The following NFXL1 variants were observed in gnomAD, a reference collection of about 807,000 sequenced individuals.
The protein encoded by NFXL1 is nuclear transcription factor, X-box binding like 1.
Under a neutral mutation model 123.3 loss-of-function variants are expected in NFXL1, and 66 were observed. The ratio of observed to expected loss-of-function variants is 0.54; its 90% CI spans 0.44 to 0.66. NFXL1 has a LOEUF of 0.66. NFXL1 is among the 30% of genes least tolerant of loss of function. The pLI, the probability that NFXL1 is intolerant of heterozygous loss-of-function variation, is 0.00. For synonymous variants in NFXL1, 346 were observed against 360.8 expected, an observed-to-expected ratio of 0.96 and a Z score of 0.46; for missense variants, 944 against 1,125.6, an observed-to-expected ratio of 0.84 and a Z score of 2.31.
Position 47,885,642 on chromosome 4 carries a change from A to G in NFXL1, c.1680T>C (p.Cys560=), listed in dbSNP as rs1431183935. Residue 560 remains cysteine (C), a synonymous_variant, in exon 14 of 23, where the codon TGT becomes TGC. Coordinates refer to ENST00000507489, the MANE Select transcript of NFXL1 (RefSeq NM_001278624.2). ...GATGTTTTTCTTGACTTGTATGATG[A>G]CAAGTTGGTGGTCGACTAAATCATA... ...CKEQCSRPPT[C]HHTSQEKHRC... 1 of 1,613,092 alleles carries G rather than the reference A, an allele frequency of 6.2e-7. No individual in the cohort carries two copies. Among genetic ancestry groups the G allele is most frequent in the Admixed American group, 1.7e-5 (1 of 59,888 alleles).
At chr4:47,899,285 T>G in intron 6 of NFXL1, 85 bp downstream of exon 6, 1 of 1,369,382 alleles carries the variant, frequency 7.3e-7, no homozygotes. Flanking sequence ...AAACTGTGAA[T>G]TCAACTTTTA....
chr4:47,857,469 T>C lies in NFXL1; in HGVS notation c.2317-2306A>G, dbSNP rs1734478613. On this transcript the variant is annotated intron_variant, in intron 19 of 22. Coordinates refer to ENST00000507489, the MANE Select transcript of NFXL1 (RefSeq NM_001278624.2). ...ATCAGTATTCTGTTGCGCTGGGGGT[T>C]GATGAAAAGTTAAAAATCACTGGTC... is the stretch of plus-strand genomic sequence containing the variant. Among the ~76,000 whole-genome samples the C allele has an allele frequency of 2.0e-5, 3 of 152,196 alleles. No homozygotes were observed. In the South Asian group the frequency reaches 6.2e-4, roughly 32 times the overall value.
chr4:47,896,419 A>T, intron 10 of NFXL1, 104 bp downstream of exon 10: 13 of 831,746 alleles, frequency 1.6e-5, no homozygotes, highest in Non-Finnish European at 2.3e-5. Flanking sequence ...ATCATGACAC[A>T]GATGTATATG....
Position 47,875,200 on chromosome 4 carries a change from C to T in NFXL1, c.2173G>A (p.Glu725Lys). The change falls in exon 18 of 23, where the codon GAA becomes AAA. Residue 725 changes from glutamate (E) to lysine (K), a missense_variant. Glu to Lys is a moderately conservative substitution (Grantham distance 56). This residue lies in a region of NFXL1 where 301 missense variants were observed against 348.0 expected (regional missense o/e 0.86). Transcript: ENST00000507489. ...AGCATCTGAACACAAGGTGGACATT[C>T]TCCAGGGTGACATCGCAAAATACAT... is the stretch of plus-strand genomic sequence containing the variant. ...HPCILRCHPGECPPCVQMLRI... is the reference protein window; with the variant it reads ...HPCILRCHPGKCPPCVQMLRI... 1 of 1,613,010 alleles carries T rather than the reference C, an allele frequency of 6.2e-7. No individual in the cohort carries two copies. Among genetic ancestry groups the T allele is most frequent in the Non-Finnish European group, 8.5e-7 (1 of 1,179,106 alleles).
intron 15 of NFXL1, among the ~76,000 whole-genome samples, chr4:47,882,629 T>C (rs1450661529): frequency 6.6e-6 from 1 of 152,236 alleles, no homozygotes; most frequent in Non-Finnish European, 1.5e-5. Context: ...GTTTCTACGG[T>C]ACAAATCTTA....
At chr4:47,894,869 A>AT (rs143225917) in intron 10 of NFXL1, among the ~76,000 whole-genome samples, 176 of 152,286 alleles carry the variant, frequency 1.2e-3, no homozygotes, top group Non-Finnish European at 1.6e-3. Flanking sequence ...AAGGTTTTCA[A>AT]TTTACATTGC....
intron 2 of NFXL1, among the ~76,000 whole-genome samples, chr4:47,913,549 G>A (rs188096025): frequency 9.8e-5 from 15 of 152,336 alleles, no homozygotes; most frequent in Non-Finnish European, 2.1e-4. Flanking sequence ...CGAGCTGACT[G>A]TTGCCATGCA....
In NFXL1 at chr4:47,899,435, C is replaced by T; in HGVS notation, c.761G>A (p.Gly254Asp). 1 of 1,613,802 alleles carries T rather than the reference C, an allele frequency of 6.2e-7. No homozygotes were observed. Among genetic ancestry groups the T allele is most frequent in the Non-Finnish European group, 8.5e-7 (1 of 1,179,768 alleles). Reference sequence around the variant, plus strand: ...TTTAAATTCACGCTCACATACTTGGCCACATGAATGAGGCACAAGCCACGG... The same window carrying T: ...TTTAAATTCACGCTCACATACTTGGTCACATGAATGAGGCACAAGCCACGG... ...LDPWLVPHSC[G>D]QVCEREFKPP... Residue 254 changes from glycine to aspartate, a missense_variant, in exon 6 of 23, where the codon GGC becomes GAC. Physicochemically the swap from Gly to Asp is moderately conservative, Grantham distance 94. This residue lies in a region of NFXL1 where 296 missense variants were observed against 395.1 expected (regional missense o/e 0.75). Coordinates refer to ENST00000507489, the MANE Select transcript of NFXL1 (RefSeq NM_001278624.2).
At chr4:47,913,255 C>T (rs1430104644) in intron 2 of NFXL1, among the ~76,000 whole-genome samples, 3 of 152,122 alleles carry the variant, frequency 2.0e-5, no homozygotes, top group Non-Finnish European at 2.9e-5. Flanking sequence ...GCCCCATGCA[C>T]AATTGTGTGT....
intron 11 of NFXL1, 133 bp downstream of exon 11, chr4:47,894,047 T>C (rs1403125170): frequency 4.0e-6 from 2 of 499,260 alleles, no homozygotes; most frequent in Non-Finnish European, 6.5e-6. Flanking sequence ...ATCTAGAATA[T>C]TTATTAATAT....
chr4:47,896,740 A>G, intron 9 of NFXL1, 93 bp from the exon 10 acceptor site: 1 of 771,658 alleles, frequency 1.3e-6, no homozygotes, highest in Non-Finnish European at 2.1e-6. Context: ...AAGGAATGCT[A>G]GCACTTTCAG....
At chr4:47,891,900 G>A (rs1264423855) in intron 11 of NFXL1, among the ~76,000 whole-genome samples, 1 of 150,974 alleles carries the variant, frequency 6.6e-6, no homozygotes, top group Non-Finnish European at 1.5e-5. Flanking sequence ...TCACACCACT[G>A]CACTCCAGCC....
At chr4:47,855,203 C>G in intron 19 of NFXL1, 40 bp from the exon 20 acceptor site, 1 of 1,153,976 alleles carries the variant, frequency 8.7e-7, no homozygotes, top group Non-Finnish European at 1.3e-6. Context: ...ATACTTACAT[C>G]TTGATCATAC....
chr4:47,882,976 G>C (rs1560593558), intron 15 of NFXL1, among the ~76,000 whole-genome samples: 1 of 152,136 alleles, frequency 6.6e-6, no homozygotes, highest in African/African-American at 2.4e-5. Context: ...GCAGGAGCAG[G>C]CATCCTAGTC....
At chr4:47,855,218 G>T in intron 19 of NFXL1, 55 bp from the exon 20 acceptor site, 1 of 995,788 alleles carries the variant, frequency 1.0e-6, no homozygotes, top group Non-Finnish European at 1.5e-6. Context: ...TCATACTCTA[G>T]TTTCCCCCAT....
At chr4:47,880,807 T>TAAAAAAAAAAAAAAAAAAAAAAAAA (rs57880960) in intron 15 of NFXL1, among the ~76,000 whole-genome samples, 1 of 78,832 alleles carries the variant, frequency 1.3e-5, no homozygotes, top group East Asian at 4.0e-4. Flanking sequence ...AATTAATGAG[T>TAAAAAAAAAAAAAAAAAAAAAAAAA]AAAAAAAAAA....
intron 10 of NFXL1, among the ~76,000 whole-genome samples, chr4:47,895,494 T>TG (rs1737032361): frequency 6.6e-6 from 1 of 152,232 alleles, no homozygotes; most frequent in Non-Finnish European, 1.5e-5. Context: ...CATCAACACT[T>TG]GCTGTTTCAC....
At chr4:47,913,464 C>T (rs961911760) in intron 2 of NFXL1, among the ~76,000 whole-genome samples, 1 of 152,214 alleles carries the variant, frequency 6.6e-6, no homozygotes, top group African/African-American at 2.4e-5. Context: ...ACAAATGACA[C>T]CTGGCTCCAG....
chr4:47,882,770 T>C (rs545879119), intron 15 of NFXL1, among the ~76,000 whole-genome samples: 3 of 152,354 alleles, frequency 2.0e-5, no homozygotes. Context: ...ATAGTGATGT[T>C]TTCTACAACA....
Sources: gnomAD v4.1 joint callset for allele counts (sites outside exome capture counted in the v4.1 genomes callset) on GRCh38, gnomAD v4.1.1 for gene constraint, gnomAD v4.1.1 regional missense constraint, MANE v1.5 for transcripts, NCBI Gene and HGNC (gene_info 2026-07-23, HGNC 2026-07-21) for gene names.